Variants in CHIC2 observed in about 807,000 individuals in gnomAD.
The protein encoded by CHIC2 is cysteine rich hydrophobic domain 2, also known as cysteine-rich hydrophobic domain-containing protein 2.
Under a neutral mutation model 25.9 loss-of-function variants are expected in CHIC2, and 14 were observed. That is an observed-to-expected ratio of 0.54 (90% confidence interval 0.36 to 0.85). The LOEUF (loss-of-function observed/expected upper bound fraction) is 0.85. Ranked by LOEUF, CHIC2 falls within the 40% of genes least tolerant of loss-of-function variation. CHIC2 has a pLI of 0.01. For synonymous variants in CHIC2, 70 were observed against 72.0 expected (o/e 0.97, Z 0.14); for missense variants, 146 against 202.0 (o/e 0.72, Z 1.68).
intron 3 of CHIC2, among the ~76,000 whole-genome samples, chr4:54,029,304 A>G (rs1716152804): frequency 6.6e-6 from 1 of 152,196 alleles, no homozygotes; most frequent in African/African-American, 2.4e-5. Flanking sequence ...ACTGTACATT[A>G]GAACAGTATA....
the CHIC2 span, chr4:54,076,501 G>A: frequency 1.3e-5 from 2 of 152,150 alleles, no homozygotes; most frequent in Admixed American, 1.3e-4. Flanking sequence ...CAATTGTTGA[G>A]TGGTTATTTT....
At chr4:54,037,429 T>C (rs566559828) in intron 3 of CHIC2, among the ~76,000 whole-genome samples, 3 of 152,186 alleles carry the variant, frequency 2.0e-5, no homozygotes, top group Non-Finnish European at 4.4e-5. Context: ...GATAAAACTC[T>C]AGAAAAAGCA....
chr4:54,058,559 T>TAC (rs36034143), intron 1 of CHIC2, among the ~76,000 whole-genome samples: 5,877 of 138,504 alleles, frequency 0.042, 149 homozygotes, highest in African/African-American at 0.05. Flanking sequence ...TACACACACA[T>TAC]ACACACACAC....
chr4:54,046,388 T>G (rs566408035), intron 3 of CHIC2, among the ~76,000 whole-genome samples: 2 of 152,294 alleles, frequency 1.3e-5, no homozygotes, highest in African/African-American at 4.8e-5. Flanking sequence ...TCACGCTACC[T>G]GACTTCAAAC....
intron 5 of CHIC2, among the ~76,000 whole-genome samples, chr4:54,012,758 G>A (rs1247604913): frequency 2.0e-5 from 3 of 152,048 alleles, no homozygotes; most frequent in Admixed American, 1.3e-4. Flanking sequence ...TAACATGTTT[G>A]ATGTAGTAAA....
chr4:54,061,224 A>G (rs1028563805), intron 1 of CHIC2: 5 of 152,182 alleles, frequency 3.3e-5, no homozygotes, highest in Non-Finnish European at 5.9e-5. Context: ...GATTATGCCT[A>G]GAGACTAACC....
At chr4:54,036,242 T>C (rs1716380459) in intron 3 of CHIC2, among the ~76,000 whole-genome samples, 1 of 152,226 alleles carries the variant, frequency 6.6e-6, no homozygotes, top group African/African-American at 2.4e-5. Flanking sequence ...TTCTGTCTAC[T>C]AGTTCTATCA....
At chr4:54,071,712 C>A in the CHIC2 span, among the ~76,000 whole-genome samples, 1 of 152,222 alleles carries the variant, frequency 6.6e-6, no homozygotes, top group Non-Finnish European at 1.5e-5. Context: ...CAATGGCTCA[C>A]GCCTGTAATC....
intron 3 of CHIC2, among the ~76,000 whole-genome samples, chr4:54,032,268 C>A: frequency 7.7e-6 from 1 of 130,358 alleles, no homozygotes; most frequent in Non-Finnish European, 1.7e-5. Flanking sequence ...TCTCCCTCCC[C>A]CTCCCCCTCC....
Position 54,009,912 on chromosome 4 carries a change from G to A in CHIC2, c.*183C>T. On this transcript the variant is annotated 3_prime_UTR_variant, in exon 6 of 6. Coordinates refer to ENST00000263921, the MANE Select transcript of CHIC2 (RefSeq NM_012110.4). ...TAAACATCTGTATGAAATAACTGTT[G>A]CAAAGATTGACAAAAATGCACACTT... The A allele has an allele frequency of 2.3e-6, 1 of 438,784 alleles. No homozygotes were observed. The highest frequency in any genetic ancestry group is 4.2e-6 in the Non-Finnish European group (1 of 240,510). The allele number at this position is 438,784 out of a possible 1,614,324, so 27.2% of individuals were successfully genotyped here. A position where few individuals can be genotyped will look rare whatever the true frequency, so the allele number is the denominator to read the frequency against.
intron 3 of CHIC2, among the ~76,000 whole-genome samples, chr4:54,019,539 G>C (rs1170320728): frequency 6.6e-6 from 1 of 152,122 alleles, no homozygotes; most frequent in African/African-American, 2.4e-5. Context: ...CTAGGCTAGT[G>C]AGAGAATATT....
intron 3 of CHIC2, among the ~76,000 whole-genome samples, chr4:54,034,461 C>CTTAA (rs918600463): frequency 6.6e-6 from 1 of 151,604 alleles, no homozygotes; most frequent in African/African-American, 2.4e-5. Flanking sequence ...CCCCCACTTA[C>CTTAA]TTAAGTCTTT....
At chr4:54,053,863 T>G (rs1339779997) in intron 1 of CHIC2, among the ~76,000 whole-genome samples, 1 of 152,156 alleles carries the variant, frequency 6.6e-6, no homozygotes, top group African/African-American at 2.4e-5. Context: ...TGGTCTCATC[T>G]CACTGTAACC....
intron 3 of CHIC2, among the ~76,000 whole-genome samples, chr4:54,024,939 C>T (rs892115967): frequency 9.2e-5 from 14 of 152,126 alleles, no homozygotes; most frequent in African/African-American, 3.4e-4. Context: ...ACAAAATCTT[C>T]CTTCAACTTA....
At chr4:54,036,066 G>A (rs1716373478) in intron 3 of CHIC2, among the ~76,000 whole-genome samples, 1 of 152,102 alleles carries the variant, frequency 6.6e-6, no homozygotes, top group African/African-American at 2.4e-5. Flanking sequence ...AACCCACTTT[G>A]TATGTTTTGA....
At chr4:54,034,148 T>C (rs1235833042) in intron 3 of CHIC2, among the ~76,000 whole-genome samples, 1 of 152,112 alleles carries the variant, frequency 6.6e-6, no homozygotes, top group Non-Finnish European at 1.5e-5. Flanking sequence ...CTCATGCCTG[T>C]AATCCCAACA....
At chr4:54,041,395 G>A (rs1716574520) in intron 3 of CHIC2, among the ~76,000 whole-genome samples, 1 of 151,990 alleles carries the variant, frequency 6.6e-6, no homozygotes, top group Non-Finnish European at 1.5e-5. Flanking sequence ...ACAGTACCTA[G>A]ACAGAATTCT....
intron 3 of CHIC2, among the ~76,000 whole-genome samples, chr4:54,022,070 G>C (rs1715916449): frequency 6.6e-6 from 1 of 152,142 alleles, no homozygotes; most frequent in Non-Finnish European, 1.5e-5. Flanking sequence ...TTCCCCAGGA[G>C]CTTGCTTCAA....
chr4:54,031,824 T>C (rs945302889), intron 3 of CHIC2, among the ~76,000 whole-genome samples: 6 of 152,098 alleles, frequency 3.9e-5, no homozygotes, highest in Non-Finnish European at 8.8e-5. Context: ...TTCACCATGT[T>C]GGCCAGGCTG....
Sources: gnomAD v4.1 joint callset for allele counts (sites outside exome capture counted in the v4.1 genomes callset) on GRCh38, gnomAD v4.1.1 for gene constraint, MANE v1.5 for transcripts, NCBI Gene and HGNC (gene_info 2026-07-23, HGNC 2026-07-21) for gene names.